Variants in IQCJ observed in about 807,000 individuals in gnomAD.
IQCJ encodes IQ motif containing J, also known as IQ domain-containing protein J.
A neutral mutation model predicts 11.0 loss-of-function variants in IQCJ; 9 were observed. That is an observed-to-expected ratio of 0.82 (90% CI 0.49 to 1.43). The LOEUF (loss-of-function observed/expected upper bound fraction) is 1.43, where lower values mean the gene tolerates loss of function less well. Ranked by LOEUF, IQCJ falls within the 40% of genes most tolerant of loss-of-function variation. The probability of loss-of-function intolerance (pLI) is 0.00; values close to 1 mark genes in which losing one functional copy is unlikely to be tolerated. For synonymous variants in IQCJ, 55 were observed against 51.3 expected (o/e 1.07, Z -0.31); for missense variants, 146 against 133.2 (o/e 1.10, Z -0.47).
At chr3:159,238,602 A>G (rs1367519376) in intron 1 of IQCJ, among the ~76,000 whole-genome samples, 1 of 152,192 alleles carries the variant, frequency 6.6e-6, no homozygotes, top group Non-Finnish European at 1.5e-5. Context: ...GGAGGCAGGT[A>G]AAGAGTAAAT....
At chr3:159,217,252 T>C (rs1249120810) in intron 1 of IQCJ, among the ~76,000 whole-genome samples, 2 of 152,200 alleles carry the variant, frequency 1.3e-5, no homozygotes, top group Non-Finnish European at 2.9e-5. Context: ...TGAAAACCTT[T>C]GTAGAAATTT....
intron 1 of IQCJ, among the ~76,000 whole-genome samples, chr3:159,154,136 T>C (rs1166943569): frequency 1.3e-5 from 2 of 152,218 alleles, no homozygotes; most frequent in Non-Finnish European, 2.9e-5. Context: ...CCCCAAATTG[T>C]CAAGTTTTAT....
At chr3:159,214,932 C>G (rs1201083087) in intron 1 of IQCJ, among the ~76,000 whole-genome samples, 3 of 152,088 alleles carry the variant, frequency 2.0e-5, no homozygotes, top group African/African-American at 7.2e-5. Context: ...AGTCTGCCAC[C>G]CTGATGGGAA....
chr3:159,190,041 A>G (rs1239666473), intron 1 of IQCJ, among the ~76,000 whole-genome samples: 8 of 152,192 alleles, frequency 5.3e-5, no homozygotes, highest in African/African-American at 1.4e-4. Context: ...TCAGGCCTCA[A>G]TGAACTGTGT....
chr3:159,254,819 C>A (rs1727798051), intron 3 of IQCJ, among the ~76,000 whole-genome samples: 2 of 152,170 alleles, frequency 1.3e-5, no homozygotes, highest in South Asian at 2.1e-4. Flanking sequence ...ATGGCGGACA[C>A]TTTCACTCTC....
intron 1 of IQCJ, among the ~76,000 whole-genome samples, chr3:159,074,175 A>C (rs1282213581): frequency 6.6e-6 from 1 of 152,084 alleles, no homozygotes; most frequent in East Asian, 1.9e-4. Flanking sequence ...GGCTTGCGTG[A>C]AGGTGAATGA....
chr3:159,199,614 G>A (rs1475285164), intron 1 of IQCJ, among the ~76,000 whole-genome samples: 3 of 152,172 alleles, frequency 2.0e-5, no homozygotes, highest in Non-Finnish European at 2.9e-5. Flanking sequence ...CGGGAGGAAA[G>A]CTGGTCTCTA....
intron 1 of IQCJ, 128 bp from the exon 2 acceptor site, chr3:159,245,715 G>A (rs924148377): frequency 5.9e-6 from 4 of 674,954 alleles, no homozygotes; most frequent in Non-Finnish European, 9.7e-6. Flanking sequence ...ACCCGCCTCG[G>A]CCTCCCAAAG....
chr3:159,163,787 C>A (rs754637385), intron 1 of IQCJ, among the ~76,000 whole-genome samples: 1 of 152,160 alleles, frequency 6.6e-6, no homozygotes, highest in Non-Finnish European at 1.5e-5. Flanking sequence ...CCCAAGGTCA[C>A]ACACTAGTAG....
At chr3:159,106,894 A>G (rs889315907) in intron 1 of IQCJ, among the ~76,000 whole-genome samples, 4 of 152,178 alleles carry the variant, frequency 2.6e-5, no homozygotes, top group African/African-American at 9.7e-5. Flanking sequence ...CTTAAAGCTA[A>G]TGTATATGCT....
intron 1 of IQCJ, among the ~76,000 whole-genome samples, chr3:159,102,415 G>A (rs1219893723): frequency 1.3e-5 from 2 of 152,160 alleles, no homozygotes; most frequent in East Asian, 1.9e-4. Flanking sequence ...TACGGTAAAA[G>A]CTTGGAAATG....
intron 1 of IQCJ, among the ~76,000 whole-genome samples, chr3:159,147,346 A>G (rs1720976334): frequency 6.6e-6 from 1 of 152,212 alleles, no homozygotes. Flanking sequence ...GATGCTGAGC[A>G]CTTCCCTTTT....
intron 1 of IQCJ, among the ~76,000 whole-genome samples, chr3:159,078,209 A>C (rs1220824175): frequency 6.7e-6 from 1 of 150,370 alleles, no homozygotes; most frequent in African/African-American, 2.4e-5. Flanking sequence ...ACATGGGGAA[A>C]TATTACACAG....
chr3:159,262,850 C>G lies in IQCJ; in HGVS notation c.*119C>G. The G allele has an allele frequency of 1.4e-6, 2 of 1,431,440 alleles. No homozygotes were observed. The highest frequency in any genetic ancestry group is 3.4e-5 in the South Asian group (2 of 58,506). The allele number at this position is 1,431,440 out of a possible 1,614,324, so 88.7% of individuals were successfully genotyped here. On this transcript the variant is annotated 3_prime_UTR_variant, in exon 4 of 4. Transcript: ENST00000397832. ...ACCCATGGTGAGAGTTTTGTCACCTCAAAATAAAGACACAATTCATAAGCA... is the reference window on the plus strand; with the variant it reads ...ACCCATGGTGAGAGTTTTGTCACCTGAAAATAAAGACACAATTCATAAGCA...
At chr3:159,132,373 A>T (rs1720040791) in intron 1 of IQCJ, among the ~76,000 whole-genome samples, 1 of 152,222 alleles carries the variant, frequency 6.6e-6, no homozygotes, top group Admixed American at 6.5e-5. Context: ...AGATGCTGTC[A>T]TTTGAAGATC....
At chr3:159,185,488 G>T (rs1723325202) in intron 1 of IQCJ, among the ~76,000 whole-genome samples, 1 of 152,080 alleles carries the variant, frequency 6.6e-6, no homozygotes, top group African/African-American at 2.4e-5. Context: ...TGTCATATTA[G>T]TTTTTTATTA....
chr3:159,239,591 C>T (rs1370772065), intron 1 of IQCJ, among the ~76,000 whole-genome samples: 1 of 152,134 alleles, frequency 6.6e-6, no homozygotes, highest in Non-Finnish European at 1.5e-5. Context: ...TAAAAATTAA[C>T]CTTTGGTTTT....
intron 1 of IQCJ, among the ~76,000 whole-genome samples, chr3:159,187,748 C>T (rs1000719256): frequency 2.0e-5 from 3 of 152,208 alleles, no homozygotes; most frequent in Non-Finnish European, 4.4e-5. Flanking sequence ...CAGTGTCCAT[C>T]GGTGTCCTTC....
chr3:159,234,630 C>CAAAAAAA (rs1297105939), intron 1 of IQCJ, among the ~76,000 whole-genome samples: 2 of 151,892 alleles, frequency 1.3e-5, no homozygotes, highest in Admixed American at 1.3e-4. Context: ...CCTGTCTCTA[C>CAAAAAAA]AATAATAAAA....
Sources: allele counts gnomAD v4.1 joint callset (sites outside exome capture counted in the v4.1 genomes callset), GRCh38; gene constraint gnomAD v4.1.1; transcripts MANE v1.5; gene names NCBI Gene and HGNC (gene_info 2026-07-23, HGNC 2026-07-21).